Variants in PDE4B observed in about 807,000 individuals in gnomAD.
PDE4B encodes phosphodiesterase 4B.
Under a neutral mutation model 82.2 loss-of-function variants are expected in PDE4B, and 20 were observed. That is an observed-to-expected ratio of 0.24 (90% confidence interval 0.17 to 0.35). The LOEUF is 0.35. Ranked by LOEUF, PDE4B falls within the 10% of genes least tolerant of loss-of-function variation. The pLI is 1.00. For synonymous variants in PDE4B, 320 were observed against 318.9 expected (o/e 1.00, Z -0.04); for missense variants, 655 against 907.2 (o/e 0.72, Z 3.57).
intron 3 of PDE4B, among the ~76,000 whole-genome samples, chr1:66,215,585 G>C (rs1438068078): frequency 6.6e-6 from 1 of 152,144 alleles, no homozygotes; most frequent in African/African-American, 2.4e-5. Context: ...CAAGGGCTTA[G>C]ATTCCTTTGG....
At chr1:66,329,724 T>C (rs1012115800) in intron 7 of PDE4B, among the ~76,000 whole-genome samples, 4 of 152,208 alleles carry the variant, frequency 2.6e-5, no homozygotes, top group Admixed American at 2.6e-4. Flanking sequence ...TTTATAACTT[T>C]ATGAGATAAA....
chr1:65,953,569 G>A lies in PDE4B; in HGVS notation c.281+34734G>A, dbSNP rs950530736. On this transcript the variant is annotated intron_variant, in intron 3 of 16. Transcript: ENST00000341517. The stretch of plus-strand genomic sequence containing the variant: ...GAAGCTGTGAAAAAGCAAGAAAAGG[G>A]ATTCTTCCCTTGATCCCCAGTGGGA... Among the ~76,000 whole-genome samples, 3 of 152,054 alleles carry A rather than the reference G, an allele frequency of 2.0e-5. No individual in the cohort carries two copies. In the East Asian group the frequency reaches 5.8e-4, roughly 29 times the overall value.
intron 4 of PDE4B, among the ~76,000 whole-genome samples, chr1:66,256,449 A>G (rs532351129): frequency 2.0e-5 from 3 of 152,230 alleles, no homozygotes; most frequent in Non-Finnish European, 4.4e-5. Flanking sequence ...CAGTAGTGAC[A>G]CAAATAATGC....
At chr1:66,109,102 T>A (rs1293814269) in intron 3 of PDE4B, among the ~76,000 whole-genome samples, 1 of 151,958 alleles carries the variant, frequency 6.6e-6, no homozygotes, top group Non-Finnish European at 1.5e-5. Context: ...ATTAATGCAT[T>A]GTAACTAGGA....
intron 3 of PDE4B, among the ~76,000 whole-genome samples, chr1:66,245,448 A>G (rs1389730925): frequency 6.6e-6 from 1 of 152,174 alleles, no homozygotes; most frequent in Non-Finnish European, 1.5e-5. Context: ...TACTGTTTCT[A>G]GGGGTTTGGG....
chr1:66,129,672 ACAAAAAAAC>A (rs1252254385), intron 3 of PDE4B, among the ~76,000 whole-genome samples: 3 of 76,090 alleles, frequency 3.9e-5, no homozygotes, highest in African/African-American at 1.2e-4. Flanking sequence ...AAAAAAAAAA[ACAAAAAAAC>A]AAAAAAACAA....
At chr1:66,321,913 C>T (rs1267708436) in intron 7 of PDE4B, among the ~76,000 whole-genome samples, 1 of 152,168 alleles carries the variant, frequency 6.6e-6, no homozygotes, top group Non-Finnish European at 1.5e-5. Flanking sequence ...TGCTACCTGA[C>T]TTCAAACTAT....
chr1:66,054,094 C>T (rs1360302046), intron 3 of PDE4B, among the ~76,000 whole-genome samples: 2 of 152,060 alleles, frequency 1.3e-5, no homozygotes, highest in Non-Finnish European at 1.5e-5. Flanking sequence ...GGCGGTGGAT[C>T]CAGGGTTTGA....
intron 8 of PDE4B, among the ~76,000 whole-genome samples, chr1:66,351,312 T>C (rs967964571): frequency 6.6e-6 from 1 of 152,332 alleles, no homozygotes; most frequent in Non-Finnish European, 1.5e-5. Context: ...CATTTATCTT[T>C]AAAATAATGT....
At chr1:66,338,746 C>T (rs1026681382) in intron 8 of PDE4B, among the ~76,000 whole-genome samples, 6 of 152,126 alleles carry the variant, frequency 3.9e-5, no homozygotes, top group Non-Finnish European at 7.3e-5. Context: ...TGGCCGGGCG[C>T]GGTGGCTCAC....
At chr1:66,072,233 G>A (rs1269480114) in intron 3 of PDE4B, among the ~76,000 whole-genome samples, 2 of 152,070 alleles carry the variant, frequency 1.3e-5, no homozygotes, top group African/African-American at 4.8e-5. Context: ...AAGCATTGAA[G>A]TAAAAGAGTG....
chr1:66,098,425 A>G (rs1431764303), intron 3 of PDE4B, among the ~76,000 whole-genome samples: 2 of 152,200 alleles, frequency 1.3e-5, no homozygotes, highest in Non-Finnish European at 1.5e-5. Flanking sequence ...TTTTCTCAGG[A>G]ATCATGATCC....
intron 4 of PDE4B, among the ~76,000 whole-genome samples, chr1:66,254,620 C>A (rs901305676): frequency 1.1e-4 from 17 of 152,152 alleles, no homozygotes; most frequent in South Asian, 2.1e-4. Flanking sequence ...CAACGTGTAC[C>A]TTAAAAACTC....
intron 7 of PDE4B, among the ~76,000 whole-genome samples, chr1:66,324,530 C>G (rs1659615374): frequency 6.6e-6 from 1 of 152,088 alleles, no homozygotes; most frequent in African/African-American, 2.4e-5. Flanking sequence ...GGTAAACTGT[C>G]AAGTTATATA....
At chr1:65,900,144 A>C (rs1569611173) in intron 1 of PDE4B, among the ~76,000 whole-genome samples, 1 of 152,076 alleles carries the variant, frequency 6.6e-6, no homozygotes, top group Non-Finnish European at 1.5e-5. Flanking sequence ...GTATGTGATG[A>C]AATGTAGGGG....
intron 4 of PDE4B, among the ~76,000 whole-genome samples, chr1:66,257,206 G>A (rs1055059053): frequency 6.6e-6 from 1 of 152,126 alleles, no homozygotes. Context: ...GCTGTGGTTC[G>A]AATCAACAAA....
At chr1:65,934,402 C>T (rs1007523988) in intron 3 of PDE4B, among the ~76,000 whole-genome samples, 1 of 152,126 alleles carries the variant, frequency 6.6e-6, no homozygotes, top group Non-Finnish European at 1.5e-5. Flanking sequence ...TATGATTGTG[C>T]CAGTGCACTC....
chr1:65,813,441 T>C (rs1247844370), intron 1 of PDE4B, among the ~76,000 whole-genome samples: 1 of 149,108 alleles, frequency 6.7e-6, no homozygotes, highest in African/African-American at 2.6e-5. Context: ...ATTTTTGCCA[T>C]ATAAAATAAT....
chr1:66,200,228 A>G (rs12144040), intron 3 of PDE4B, among the ~76,000 whole-genome samples: 24,339 of 152,148 alleles, frequency 0.16, 2,182 homozygotes, highest in Non-Finnish European at 0.2. Context: ...TAGCAGTACC[A>G]TGCTGTTTTG....
Sources: allele counts gnomAD v4.1 joint callset (sites outside exome capture counted in the v4.1 genomes callset), GRCh38; gene constraint gnomAD v4.1.1; transcripts MANE v1.5; gene names NCBI Gene and HGNC (gene_info 2026-07-23, HGNC 2026-07-21).